ABCC1: variants seen among roughly 807,000 people sequenced by gnomAD.
The protein encoded by ABCC1 is multidrug resistance-associated protein 1.
A neutral mutation model predicts 172.9 loss-of-function variants in ABCC1; 83 were observed. That is an observed-to-expected ratio of 0.48 (90% CI 0.40 to 0.58). ABCC1 has a LOEUF of 0.58. Ranked by LOEUF, ABCC1 falls within the 20% of genes least tolerant of loss-of-function variation. The probability of loss-of-function intolerance (pLI) is 0.00; values close to 1 mark genes in which losing one functional copy is unlikely to be tolerated. For missense variants in ABCC1, 1,817 were observed against 2,002.7 expected (o/e 0.91, Z 1.77); for synonymous variants, 937 against 825.2 (o/e 1.14, Z -2.32).
At chr16:16,015,781 G>T (rs891511883) in intron 4 of ABCC1, among the ~76,000 whole-genome samples, 2 of 152,168 alleles carry the variant, frequency 1.3e-5, no homozygotes, top group East Asian at 1.9e-4. Flanking sequence ...CCCTGACTGG[G>T]TGCCATAACA....
chr16:15,968,824 G>A (rs1404013716), intron 1 of ABCC1, among the ~76,000 whole-genome samples: 1 of 152,126 alleles, frequency 6.6e-6, no homozygotes, highest in Non-Finnish European at 1.5e-5. Context: ...TCAGGCTCAA[G>A]CAATCCTCCC....
At chr16:16,069,209 TAA>T (rs3072682) in intron 13 of ABCC1, among the ~76,000 whole-genome samples, 2,676 of 113,172 alleles carry the variant, frequency 0.024, 95 homozygotes, top group African/African-American at 0.073. Flanking sequence ...AATAAATAAA[TAA>T]ATATGTTTGA....
intron 1 of ABCC1, among the ~76,000 whole-genome samples, chr16:15,999,023 C>T (rs887340003): frequency 6.6e-6 from 1 of 152,044 alleles, no homozygotes; most frequent in Non-Finnish European, 1.5e-5. Context: ...TTTTTTGAGA[C>T]GGAGTCTCGC....
At position 16,098,061 on chromosome 16, in the gene ABCC1, G is replaced by T. The variant is rs968513017; in HGVS notation, c.2645-4566G>T. On this transcript the variant is annotated intron_variant, in intron 19 of 30. Coordinates refer to ENST00000399410, the MANE Select transcript of ABCC1 (RefSeq NM_004996.4). The stretch of plus-strand genomic sequence containing the variant: ...AGAAGGAGCCCCCATCCCAGCCTGG[G>T]AGGGTCCAGGGTGATATCTGGGCTA... 9.8e-5 allele frequency: 15 copies of T among 152,346 alleles called. 1 individual carries two copies. Among genetic ancestry groups the T allele is most frequent in the Admixed American group, 3.3e-4 (5 of 15,286 alleles). 9.4% of individuals were successfully genotyped at this position (152,346 alleles called of 1,614,324 possible).
At chr16:16,014,321 C>T (rs926063409) in intron 3 of ABCC1, among the ~76,000 whole-genome samples, 170 bp from the exon 4 acceptor site, 2 of 152,194 alleles carry the variant, frequency 1.3e-5, no homozygotes, top group African/African-American at 4.8e-5. Context: ...TGGCGGGCAC[C>T]TGTAGTCCCA....
intron 1 of ABCC1, among the ~76,000 whole-genome samples, chr16:15,972,558 G>A (rs1784808513): frequency 6.6e-6 from 1 of 152,046 alleles, no homozygotes; most frequent in Non-Finnish European, 1.5e-5. Context: ...CAGCCTCATG[G>A]GTTCCTTTCT....
intron 12 of ABCC1, among the ~76,000 whole-genome samples, chr16:16,057,264 C>T (rs1283895023): frequency 6.7e-6 from 1 of 149,616 alleles, no homozygotes; most frequent in African/African-American, 2.5e-5. Flanking sequence ...GAGGCCGAGA[C>T]ATGAGAATCC....
chr16:16,131,754 A>G (rs2152136125), intron 26 of ABCC1, 35 bp from the exon 27 acceptor site: 1 of 1,605,532 alleles, frequency 6.2e-7, no homozygotes, highest in South Asian at 1.1e-5. Context: ...GATGGACTGG[A>G]AATTCCTTAC....
intron 30 of ABCC1, among the ~76,000 whole-genome samples, chr16:16,139,269 CT>C (rs2046034874): frequency 6.6e-6 from 1 of 152,146 alleles, no homozygotes; most frequent in Non-Finnish European, 1.5e-5. Flanking sequence ...CCATTGAACA[CT>C]GCAGGCCCAG....
chr16:16,046,184 G>A (rs17205838), intron 9 of ABCC1, among the ~76,000 whole-genome samples, 171 bp downstream of exon 9: 1 of 152,058 alleles, frequency 6.6e-6, no homozygotes, highest in Non-Finnish European at 1.5e-5. Flanking sequence ...GGCATTGTAC[G>A]TTAGGAAAGC....
chr16:16,072,407 A>T (rs1478359277), intron 14 of ABCC1, among the ~76,000 whole-genome samples: 2 of 149,708 alleles, frequency 1.3e-5, no homozygotes, highest in Non-Finnish European at 3.0e-5. Flanking sequence ...CCGGTCTCGA[A>T]CTCCTTAGCT....
At chr16:16,035,232 T>A (rs971373016) in intron 6 of ABCC1, among the ~76,000 whole-genome samples, 2 of 151,978 alleles carry the variant, frequency 1.3e-5, no homozygotes, top group Non-Finnish European at 2.9e-5. Flanking sequence ...TGAAACCCTG[T>A]CTCCACTAAC....
chr16:16,007,214 T>TTTGTGTGTGTG (rs1555480444), intron 1 of ABCC1, among the ~76,000 whole-genome samples: 2 of 145,774 alleles, frequency 1.4e-5, no homozygotes, highest in South Asian at 4.4e-4. Flanking sequence ...GTATGCACTG[T>TTTGTGTGTGTG]TGTGTGTGTG....
At chr16:16,121,044 C>T (rs763434062) in intron 23 of ABCC1, among the ~76,000 whole-genome samples, 2 of 152,094 alleles carry the variant, frequency 1.3e-5, no homozygotes, top group African/African-American at 4.8e-5. Context: ...GTGGTTCAAC[C>T]TAGTATTACC....
rs1167403858 is a variant in ABCC1 at position 16,062,508 on chromosome 16, G to A, written c.1678-5648G>A. Among the ~76,000 whole-genome samples the A allele has an allele frequency of 2.6e-5, 4 of 152,180 alleles. No homozygotes were observed. The South Asian group carries it at 6.2e-4, about 24-fold the overall frequency. On this transcript the variant is annotated intron_variant, in intron 12 of 30. Coordinates refer to ENST00000399410, the MANE Select transcript of ABCC1 (RefSeq NM_004996.4). Reference sequence around the variant, plus strand: ...ATTACAGATGTGAAATACTGAGCCCGGCTACCGGCTTTACTTAACCTTTTC... The same window carrying A: ...ATTACAGATGTGAAATACTGAGCCCAGCTACCGGCTTTACTTAACCTTTTC...
chr16:16,132,506 GGTTGTTTTT>G (rs1305383170), intron 27 of ABCC1, among the ~76,000 whole-genome samples: 5 of 100,950 alleles, frequency 5.0e-5, no homozygotes, highest in African/African-American at 1.1e-4. Context: ...TTTTTTGGTT[GGTTGTTTTT>G]TTTTTTTTTT....
At chr16:16,067,713 C>T (rs914570336) in intron 12 of ABCC1, among the ~76,000 whole-genome samples, 5 of 152,112 alleles carry the variant, frequency 3.3e-5, no homozygotes, top group Non-Finnish European at 2.9e-5. Context: ...ATACATGGGC[C>T]GATGGCCAGA....
At chr16:16,012,053 G>T (rs959040218) in intron 3 of ABCC1, among the ~76,000 whole-genome samples, 3 of 151,996 alleles carry the variant, frequency 2.0e-5, no homozygotes, top group Non-Finnish European at 4.4e-5. Context: ...CCTCCTGTCT[G>T]GGCCTCCTAA....
intron 10 of ABCC1, among the ~76,000 whole-genome samples, chr16:16,050,320 A>G (rs1411160391): frequency 6.6e-6 from 1 of 152,066 alleles, no homozygotes; most frequent in African/African-American, 2.4e-5. Context: ...TTAGTCAGGC[A>G]TGGTGGTGTA....
Sources: allele counts gnomAD v4.1 joint callset (sites outside exome capture counted in the v4.1 genomes callset), GRCh38; gene constraint gnomAD v4.1.1; transcripts MANE v1.5; gene names NCBI Gene and HGNC (gene_info 2026-07-23, HGNC 2026-07-21).